CASK: variants seen among roughly 807,000 people sequenced by gnomAD.
CASK encodes calcium/calmodulin dependent serine protein kinase.
CASK carries 4 observed loss-of-function variants against 82.9 expected under a neutral mutation model. The ratio of observed to expected loss-of-function variants is 0.05; its 90% CI spans 0.02 to 0.11. CASK has a LOEUF of 0.11. Ranked by LOEUF, CASK falls within the 10% of genes least tolerant of loss-of-function variation. CASK has a pLI of 1.00. For synonymous variants in CASK, 259 were observed against 253.5 expected (o/e 1.02, Z -0.20); for missense variants, 358 against 720.9 (o/e 0.50, Z 5.76).
At chrX:41,895,236 C>T (rs1195389) in intron 1 of CASK, among the ~76,000 whole-genome samples, 20,224 of 111,124 alleles carry the variant, frequency 0.18, 1,535 homozygotes, top group Middle Eastern at 0.3. Flanking sequence ...CTTCACGAGA[C>T]GCACTGTGGA....
intron 1 of CASK, among the ~76,000 whole-genome samples, chrX:41,917,610 AC>A (rs1265356573): frequency 8.9e-6 from 1 of 112,077 alleles, no homozygotes; most frequent in Non-Finnish European, 1.9e-5. Flanking sequence ...TGTTGCAGAT[AC>A]AAGGAAAAAA....
intron 8 of CASK, among the ~76,000 whole-genome samples, chrX:41,642,239 A>G (rs778914423): frequency 6.3e-5 from 7 of 111,881 alleles, no homozygotes; most frequent in Non-Finnish European, 1.3e-4. Flanking sequence ...AGCATGATTT[A>G]TAATCCTTTG....
chrX:41,792,775 T>A (rs2069759453), intron 2 of CASK, among the ~76,000 whole-genome samples: 1 of 112,009 alleles, frequency 8.9e-6, no homozygotes, highest in Admixed American at 9.5e-5. Flanking sequence ...CTAAAATTAA[T>A]AAAATAAGTT....
At chrX:41,544,575 A>AC (rs755811795) in intron 21 of CASK, among the ~76,000 whole-genome samples, 1,088 of 108,335 alleles carry the variant, frequency 0.01, 11 homozygotes, top group African/African-American at 0.035. Flanking sequence ...AAAAAAAAAA[A>AC]AAAAAAAAAA....
At chrX:41,785,775 C>T (rs1335254222) in intron 3 of CASK, among the ~76,000 whole-genome samples, 1 of 112,175 alleles carries the variant, frequency 8.9e-6, no homozygotes, top group Non-Finnish European at 1.9e-5. Context: ...CAGTGATCCT[C>T]ACCTCCTGAT....
At chrX:41,649,985 G>T (rs2066835061) in intron 8 of CASK, among the ~76,000 whole-genome samples, 1 of 111,326 alleles carries the variant, frequency 9.0e-6, no homozygotes, top group African/African-American at 3.3e-5. Context: ...TTGTTGAATT[G>T]ATCCCTTTAC....
chrX:41,640,983 T>G (rs1490600354), intron 8 of CASK, among the ~76,000 whole-genome samples: 1 of 92,284 alleles, frequency 1.1e-5, no homozygotes. Context: ...TCGTCTTTTT[T>G]TTTTTTTTTT....
At chrX:41,744,995 T>C (rs1211964120) in intron 4 of CASK, among the ~76,000 whole-genome samples, 1 of 111,931 alleles carries the variant, frequency 8.9e-6, no homozygotes, top group African/African-American at 3.2e-5. Context: ...TAAGCCTGTA[T>C]TATAAACCCA....
At chrX:41,617,963 C>T (rs1248361542) in intron 11 of CASK, among the ~76,000 whole-genome samples, 1 of 112,145 alleles carries the variant, frequency 8.9e-6, no homozygotes, top group Non-Finnish European at 1.9e-5. Context: ...AAAAAGTACA[C>T]AAGTTCACCT....
intron 5 of CASK, chrX:41,727,020 G>C (rs1263913863): frequency 1.9e-6 from 2 of 1,067,710 alleles, no homozygotes; most frequent in Non-Finnish European, 2.5e-6. Flanking sequence ...AAGAAAACCT[G>C]ACATAAATGA....
chrX:41,607,941 A>C (rs2065984406), intron 12 of CASK, among the ~76,000 whole-genome samples: 1 of 112,237 alleles, frequency 8.9e-6, no homozygotes, highest in African/African-American at 3.2e-5. Flanking sequence ...AAGCCACTCA[A>C]ATTTTAGAAT....
intron 2 of CASK, among the ~76,000 whole-genome samples, chrX:41,852,446 G>C (rs949534490): frequency 9.0e-6 from 1 of 111,515 alleles, no homozygotes; most frequent in African/African-American, 3.3e-5. Flanking sequence ...ATGATCAATT[G>C]TGCCATCTGA....
At chrX:41,623,985 C>T (rs2066327468) in intron 10 of CASK, among the ~76,000 whole-genome samples, 1 of 112,505 alleles carries the variant, frequency 8.9e-6, no homozygotes, top group African/African-American at 3.2e-5. Context: ...GTTGGGATTA[C>T]AGGCATGAGC....
intron 13 of CASK, chrX:41,587,867 T>G (rs1181237071): frequency 8.9e-6 from 1 of 112,043 alleles, no homozygotes; most frequent in Non-Finnish European, 1.9e-5. Flanking sequence ...TTCAGAGGTT[T>G]GCATTACACT....
intron 15 of CASK, among the ~76,000 whole-genome samples, chrX:41,574,481 G>A (rs1391660158): frequency 9.0e-6 from 1 of 111,449 alleles, no homozygotes; most frequent in Non-Finnish European, 1.9e-5. Context: ...ACTCTATCTT[G>A]GACAGAAATG....
At chrX:41,521,710 ACC>A (rs898043291) in intron 26 of CASK, among the ~76,000 whole-genome samples, 4 of 111,643 alleles carry the variant, frequency 3.6e-5, no homozygotes, top group Non-Finnish European at 3.8e-5. Flanking sequence ...CAAATTAACC[ACC>A]CCCTACCTGC....
At chrX:41,600,622 T>G (rs2065880119) in intron 12 of CASK, among the ~76,000 whole-genome samples, 1 of 112,179 alleles carries the variant, frequency 8.9e-6, no homozygotes, top group Admixed American at 9.5e-5. Context: ...AAACCCTGCT[T>G]TAAGAAGTAA....
chrX:41,817,510 T>C (rs2070437219), intron 2 of CASK, among the ~76,000 whole-genome samples: 2 of 111,773 alleles, frequency 1.8e-5, no homozygotes, highest in African/African-American at 3.2e-5. Context: ...AAAAAGCTAT[T>C]AGAACTACAG....
chrX:41,875,002 T>C (rs1196419417), intron 1 of CASK, among the ~76,000 whole-genome samples: 1 of 112,523 alleles, frequency 8.9e-6, no homozygotes, highest in Non-Finnish European at 1.9e-5. Flanking sequence ...AAATACACAA[T>C]GCTTAATGTT....
Sources: gnomAD v4.1 joint callset for allele counts (sites outside exome capture counted in the v4.1 genomes callset) on GRCh38, gnomAD v4.1.1 for gene constraint, MANE v1.5 for transcripts, NCBI Gene and HGNC (gene_info 2026-07-23, HGNC 2026-07-21) for gene names.